The following KYAT3 variants were observed in gnomAD, a reference collection of about 807,000 sequenced individuals.
KYAT3 encodes the protein kynurenine--oxoglutarate transaminase 3.
KYAT3 carries 50 observed loss-of-function variants against 59.0 expected under a neutral mutation model. That is an observed-to-expected ratio of 0.85 (90% CI 0.68 to 1.07). KYAT3 has a LOEUF of 1.07. Among genes scored for constraint, KYAT3 ranks in the 50% least tolerant of loss-of-function variants. The pLI, the probability that KYAT3 is intolerant of heterozygous loss-of-function variation, is 0.00. For synonymous variants in KYAT3, 148 were observed against 177.0 expected (o/e 0.84, Z 1.30); for missense variants, 497 against 533.3 (o/e 0.93, Z 0.67).
At chr1:88,922,250 G>C in the KYAT3 span, among the ~76,000 whole-genome samples, 1 of 152,130 alleles carries the variant, frequency 6.6e-6, no homozygotes, top group South Asian at 2.1e-4. Flanking sequence ...TGAACACCAG[G>C]AAAGAATGAC....
chr1:88,972,810 C>T (rs1360069289), intron 2 of KYAT3, among the ~76,000 whole-genome samples: 2 of 152,070 alleles, frequency 1.3e-5, no homozygotes, highest in African/African-American at 4.8e-5. Flanking sequence ...ATCAGTGGGG[C>T]AAGGAAATGT....
chr1:88,973,773 G>A (rs1676649918), intron 2 of KYAT3, among the ~76,000 whole-genome samples: 1 of 152,120 alleles, frequency 6.6e-6, no homozygotes, highest in African/African-American at 2.4e-5. Context: ...CTTTAAAAAA[G>A]TTTGGACAGA....
At chr1:88,969,678 G>C (rs1570811874) in intron 2 of KYAT3, among the ~76,000 whole-genome samples, 1 of 151,242 alleles carries the variant, frequency 6.6e-6, no homozygotes, top group Non-Finnish European at 1.5e-5. Context: ...CTCAGACGTG[G>C]TTGCCCAGGC....
chr1:88,955,682 C>T (rs1276563302), intron 8 of KYAT3, among the ~76,000 whole-genome samples: 1 of 152,164 alleles, frequency 6.6e-6, no homozygotes, highest in Non-Finnish European at 1.5e-5. Context: ...CTCCAGGCTT[C>T]CTAGAGCAAT....
intron 13 of KYAT3, among the ~76,000 whole-genome samples, chr1:88,938,787 T>C (rs1035610321): frequency 1.2e-4 from 18 of 152,230 alleles, no homozygotes; most frequent in African/African-American, 1.2e-4. Context: ...AATGACAGCA[T>C]TGATGGGCAT....
intron 9 of KYAT3, among the ~76,000 whole-genome samples, chr1:88,954,913 C>T (rs1215794409): frequency 6.6e-5 from 10 of 152,146 alleles, no homozygotes; most frequent in Non-Finnish European, 1.5e-4. Flanking sequence ...AGGCATGCAC[C>T]ACCCTGCCTG....
intron 10 of KYAT3, among the ~76,000 whole-genome samples, chr1:88,952,406 T>C (rs1417959141): frequency 5.3e-5 from 8 of 152,156 alleles, no homozygotes; most frequent in Non-Finnish European, 1.2e-4. Flanking sequence ...TGGGAGGTGA[T>C]TGGATCATGG....
chr1:88,947,747 A>G (rs1289228154), intron 11 of KYAT3, among the ~76,000 whole-genome samples: 8 of 152,202 alleles, frequency 5.3e-5, no homozygotes, highest in South Asian at 4.1e-4. Context: ...GAAATTTGCT[A>G]AGATGATAAT....
downstream of KYAT3, among the ~76,000 whole-genome samples, chr1:88,933,865 T>C (rs953800724): frequency 6.6e-6 from 1 of 152,212 alleles, no homozygotes; most frequent in Non-Finnish European, 1.5e-5. Flanking sequence ...TCTAGATGGC[T>C]GGGCCTGGTA....
At chr1:88,924,579 C>T in the KYAT3 span, among the ~76,000 whole-genome samples, 1 of 152,222 alleles carries the variant, frequency 6.6e-6, no homozygotes, top group Non-Finnish European at 1.5e-5. Flanking sequence ...TGTTTTCACT[C>T]TATTAAATCT....
At chr1:88,989,263 C>T (rs949421318) in intron 1 of KYAT3, among the ~76,000 whole-genome samples, 3 of 151,948 alleles carry the variant, frequency 2.0e-5, no homozygotes, top group Non-Finnish European at 4.4e-5. Context: ...CAAATCAAAC[C>T]CAGTAGTATA....
At chr1:88,924,797 T>C in the KYAT3 span, among the ~76,000 whole-genome samples, 1 of 152,216 alleles carries the variant, frequency 6.6e-6, no homozygotes. Context: ...CCTGCATGGC[T>C]AAGTGCCCGG....
At chr1:88,942,313 G>T (rs148597121) in intron 13 of KYAT3, among the ~76,000 whole-genome samples, 1 of 149,828 alleles carries the variant, frequency 6.7e-6, no homozygotes. Context: ...TTATTACCAC[G>T]TTTTCATCTA....
chr1:88,944,174 T>G (rs754609798), intron 11 of KYAT3, among the ~76,000 whole-genome samples: 5 of 152,222 alleles, frequency 3.3e-5, no homozygotes, highest in Non-Finnish European at 5.9e-5. Context: ...CTTTATTGAC[T>G]TGTACTCTTT....
chr1:88,983,953 C>T lies in KYAT3; in HGVS notation c.99+4299G>A, dbSNP rs948796741. On this transcript the variant is annotated intron_variant, in intron 2 of 13. Transcript: ENST00000260508. ...AGTTAGGAGGACTGAACCGCGAAGC[C>T]GCTAGCACTACTGCGCAATCTGGAT... is the stretch of plus-strand genomic sequence containing the variant. 2.5e-4 allele frequency: 264 copies of T among 1,043,082 alleles called. 3 individuals carry two copies. The highest frequency in any genetic ancestry group is 1.1e-4 in the African/African-American group (7 of 62,150). 64.6% of individuals were successfully genotyped at this position (1,043,082 alleles called of 1,614,324 possible).
chr1:88,989,310 G>A (rs1053521245), intron 1 of KYAT3, among the ~76,000 whole-genome samples: 9 of 152,108 alleles, frequency 5.9e-5, no homozygotes, highest in Admixed American at 3.3e-4. Flanking sequence ...GGGGGGTTGG[G>A]TTTATATAAG....
chr1:88,958,557 T>C (rs1266923704), intron 8 of KYAT3, among the ~76,000 whole-genome samples: 1 of 152,204 alleles, frequency 6.6e-6, no homozygotes, highest in Non-Finnish European at 1.5e-5. Context: ...CAATGTTAAG[T>C]TTTCTACCAC....
chr1:88,982,807 C>A, intron 2 of KYAT3: 4 of 1,613,966 alleles, frequency 2.5e-6, no homozygotes, highest in Non-Finnish European at 8.5e-7. Context: ...GTCTGCCAAC[C>A]CTGTCACAAC....
intron 11 of KYAT3, among the ~76,000 whole-genome samples, chr1:88,947,171 A>C (rs1675476525): frequency 6.6e-6 from 1 of 152,282 alleles, no homozygotes; most frequent in South Asian, 2.1e-4. Context: ...GACTGCCTAG[A>C]TATGCCACAG....
Sources: gnomAD v4.1 joint callset for allele counts (sites outside exome capture counted in the v4.1 genomes callset) on GRCh38, gnomAD v4.1.1 for gene constraint, MANE v1.5 for transcripts, NCBI Gene and HGNC (gene_info 2026-07-23, HGNC 2026-07-21) for gene names.